PTPRD: variants seen among roughly 807,000 people sequenced by gnomAD.
PTPRD encodes the protein receptor-type tyrosine-protein phosphatase delta.
Under a neutral mutation model 214.5 loss-of-function variants are expected in PTPRD, and 34 were observed. The observed-to-expected ratio is 0.16, with a 90% CI of 0.12 to 0.21. PTPRD has a LOEUF of 0.21. Ranked by LOEUF, PTPRD falls within the 10% of genes least tolerant of loss-of-function variation. PTPRD has a pLI of 1.00. For missense variants in PTPRD, 2,545 were observed against 2,398.7 expected (o/e 1.06, Z -1.27); for synonymous variants, 1,128 against 845.7 (o/e 1.33, Z -5.79).
intron 4 of PTPRD, among the ~76,000 whole-genome samples, chr9:10,024,213 A>G (rs2096877764): frequency 6.6e-6 from 1 of 152,132 alleles, no homozygotes; most frequent in Non-Finnish European, 1.5e-5. Context: ...CAGTATTAGT[A>G]TTTTATTTAA....
intron 13 of PTPRD, among the ~76,000 whole-genome samples, chr9:8,633,716 C>G (rs1272200418): frequency 6.6e-6 from 1 of 152,064 alleles, no homozygotes; most frequent in Non-Finnish European, 1.5e-5. Context: ...AGGGTTTATT[C>G]ATTAAAATAT....
At chr9:9,797,625 C>T (rs1451475309) in intron 5 of PTPRD, among the ~76,000 whole-genome samples, 2 of 151,936 alleles carry the variant, frequency 1.3e-5, no homozygotes, top group African/African-American at 2.4e-5. Context: ...GCGTGTGGAT[C>T]GCCTGAGGTC....
chr9:9,507,256 A>G (rs1318847817), intron 8 of PTPRD, among the ~76,000 whole-genome samples: 1 of 151,288 alleles, frequency 6.6e-6, no homozygotes, highest in Non-Finnish European at 1.5e-5. Context: ...ATATTAATTT[A>G]TCTATCTATA....
chr9:10,329,336 G>A lies in PTPRD; in HGVS notation c.-545+11627C>T, dbSNP rs575899064. Among the ~76,000 whole-genome samples, 11 of 151,878 alleles carry A rather than the reference G, an allele frequency of 7.2e-5. No homozygotes were observed. In the East Asian group the frequency reaches 1.2e-3, roughly 16 times the overall value. The stretch of plus-strand genomic sequence containing the variant: ...AATACATGACTTATTTCAAGAAAGC[G>A]AACTGGGAATTAAAATATATTTTTT... On this transcript the variant is annotated intron_variant, in intron 3 of 45. Transcript: ENST00000381196.
At chr9:8,317,983 C>T (rs999356229) in intron 45 of PTPRD, 41 bp from the exon 46 acceptor site, 5 of 1,535,406 alleles carry the variant, frequency 3.3e-6, no homozygotes, top group East Asian at 2.3e-5. Flanking sequence ...AAGAAGGGAC[C>T]ATGAGCATAT....
intron 11 of PTPRD, among the ~76,000 whole-genome samples, chr9:8,843,664 C>T (rs1342270966): frequency 6.6e-6 from 1 of 152,164 alleles, no homozygotes; most frequent in Non-Finnish European, 1.5e-5. Context: ...TAAAAAAGAT[C>T]TGCCTCCCGT....
intron 9 of PTPRD, among the ~76,000 whole-genome samples, chr9:9,305,596 T>C (rs1396375022): frequency 1.3e-5 from 2 of 152,108 alleles, no homozygotes; most frequent in East Asian, 1.9e-4. Context: ...AAAGAATATG[T>C]CCACCTAGAA....
chr9:9,724,660 G>A (rs1423688363), intron 7 of PTPRD, among the ~76,000 whole-genome samples: 9 of 152,140 alleles, frequency 5.9e-5, no homozygotes, highest in African/African-American at 1.9e-4. Flanking sequence ...ATCAAAATGT[G>A]AAGGATGAAG....
At chr9:8,437,062 G>C (rs1181051743) in intron 34 of PTPRD, 2 of 665,758 alleles carry the variant, frequency 3.0e-6, no homozygotes, top group Non-Finnish European at 5.0e-6. Context: ...CCTGCACTGT[G>C]TGAAATGGAA....
intron 12 of PTPRD, among the ~76,000 whole-genome samples, chr9:8,714,780 C>T (rs866552225): frequency 3.9e-5 from 6 of 152,086 alleles, no homozygotes; most frequent in African/African-American, 1.4e-4. Flanking sequence ...CATCATGCAC[C>T]CTCCTGATTT....
chr9:8,504,140 T>TACTA, intron 23 of PTPRD, 121 bp downstream of exon 23: 1 of 996,288 alleles, frequency 1.0e-6, no homozygotes, highest in Non-Finnish European at 1.5e-6. Context: ...GTGTGATGCA[T>TACTA]ACTAACCTAG....
At chr9:8,453,661 G>A (rs958535948) in intron 33 of PTPRD, among the ~76,000 whole-genome samples, 2 of 152,228 alleles carry the variant, frequency 1.3e-5, no homozygotes, top group East Asian at 3.9e-4. Flanking sequence ...AGTGATTTTA[G>A]TGTAAATAAT....
intron 2 of PTPRD, among the ~76,000 whole-genome samples, chr9:10,546,204 A>AT (rs149798254): frequency 1.5e-4 from 22 of 151,264 alleles, no homozygotes; most frequent in South Asian, 8.4e-4. Context: ...GCATGTATTT[A>AT]TTTTTTTTTC....
chr9:9,165,903 A>C (rs1021155322), intron 10 of PTPRD, among the ~76,000 whole-genome samples: 2 of 152,218 alleles, frequency 1.3e-5, no homozygotes, highest in African/African-American at 4.8e-5. Flanking sequence ...AAATGTAATA[A>C]TAAAACAACC....
At chr9:9,464,963 G>C (rs191684853) in intron 8 of PTPRD, among the ~76,000 whole-genome samples, 4 of 152,274 alleles carry the variant, frequency 2.6e-5, no homozygotes. Flanking sequence ...GCATATTTTA[G>C]GGTAGGGTTG....
intron 3 of PTPRD, among the ~76,000 whole-genome samples, chr9:10,150,761 A>G (rs959283053): frequency 6.6e-6 from 1 of 152,116 alleles, no homozygotes; most frequent in Non-Finnish European, 1.5e-5. Context: ...GGCATGGAGT[A>G]CAAGGTTTTA....
intron 9 of PTPRD, among the ~76,000 whole-genome samples, chr9:9,289,144 C>T (rs756086968): frequency 1.4e-4 from 21 of 151,802 alleles, no homozygotes; most frequent in Non-Finnish European, 2.8e-4. Context: ...CTCTAGAACA[C>T]AAATACAAAT....
At chr9:10,144,760 G>A (rs1292425724) in intron 3 of PTPRD, among the ~76,000 whole-genome samples, 2 of 152,038 alleles carry the variant, frequency 1.3e-5, no homozygotes, top group Non-Finnish European at 2.9e-5. Flanking sequence ...CGATCTGTCA[G>A]CATTCCCATT....
At chr9:9,135,195 T>A (rs1309097157) in intron 10 of PTPRD, among the ~76,000 whole-genome samples, 1 of 152,242 alleles carries the variant, frequency 6.6e-6, no homozygotes, top group African/African-American at 2.4e-5. Context: ...AGAGGACTCA[T>A]GTCTTTCCAC....
Sources: allele counts gnomAD v4.1 joint callset (sites outside exome capture counted in the v4.1 genomes callset), GRCh38; gene constraint gnomAD v4.1.1; transcripts MANE v1.5; gene names NCBI Gene and HGNC (gene_info 2026-07-23, HGNC 2026-07-21).